The following NXPH4 variants were observed in gnomAD, a reference collection of about 807,000 sequenced individuals.
NXPH4 encodes the protein neurexophilin-4.
A neutral mutation model predicts 21.3 loss-of-function variants in NXPH4; 8 were observed. The observed-to-expected ratio is 0.38, with a 90% confidence interval of 0.22 to 0.68. The LOEUF (loss-of-function observed/expected upper bound fraction) is 0.68, where lower values mean the gene tolerates loss of function less well. Ranked by LOEUF, NXPH4 falls within the 30% of genes least tolerant of loss-of-function variation. NXPH4 has a pLI of 0.53. For missense variants in NXPH4, 418 were observed against 416.8 expected, an observed-to-expected ratio of 1.00 and a Z score of -0.03; for synonymous variants, 219 against 192.6, an observed-to-expected ratio of 1.14 and a Z score of -1.13.
At chr12:57,218,853 G>A (rs1381856759) in intron 1 of NXPH4, among the ~76,000 whole-genome samples, 1 of 152,204 alleles carries the variant, frequency 6.6e-6, no homozygotes, top group Non-Finnish European at 1.5e-5. Flanking sequence ...AAATACCTGT[G>A]TGTGCTTCTG....
At position 57,216,886 on chromosome 12, in the gene NXPH4, G is replaced by A. The variant is rs1463809522; in HGVS notation, c.-84G>A. The A allele has an allele frequency of 5.7e-6, 5 of 878,986 alleles. No individual in the cohort carries two copies. The Admixed American group carries it at 2.1e-4, about 37-fold the overall frequency. The allele number at this position is 878,986 out of a possible 1,614,324, so 54.4% of individuals were successfully genotyped here. On this transcript the variant is annotated 5_prime_UTR_variant, in exon 1 of 2. Coordinates refer to ENST00000349394, the MANE Select transcript of NXPH4 (RefSeq NM_007224.4). This position sits in a 1 kb window ranked among gnomAD's most constrained non-coding sequence, Gnocchi z 5.3. ...CCGCCGCTCCCGCAGCCGCCCCGCC[G>A]CCCGCCCGGAGCCCCGCGTCCCTAG...
intron 1 of NXPH4, 41 bp downstream of exon 1, chr12:57,217,067 T>C: frequency 6.5e-7 from 1 of 1,545,440 alleles, no homozygotes; most frequent in Non-Finnish European, 8.8e-7. Context: ...GGGCGCGGGG[T>C]TCCGGGACGC....
chr12:57,223,645 A>G (rs1305939331), intron 1 of NXPH4, among the ~76,000 whole-genome samples: 1 of 152,228 alleles, frequency 6.6e-6, no homozygotes, highest in Non-Finnish European at 1.5e-5. Flanking sequence ...TGGCTAGCTC[A>G]GGCTGACTGA....
At chr12:57,222,033 A>C (rs1047870761) in intron 1 of NXPH4, among the ~76,000 whole-genome samples, 2 of 152,166 alleles carry the variant, frequency 1.3e-5, no homozygotes, top group Non-Finnish European at 2.9e-5. Flanking sequence ...AGCACAAGAG[A>C]GGGAGAGAGA....
chr12:57,226,198 AC>A lies in NXPH4; in HGVS notation c.*453del. On this transcript the variant is annotated 3_prime_UTR_variant, in exon 2 of 2. Coordinates refer to ENST00000349394, the MANE Select transcript of NXPH4 (RefSeq NM_007224.4). ...CGCCTAAGACTGTAAAGGCCTAAAA[AC>A]CTCGGCCTGTCCTCCCACCATTCTG... The A allele has an allele frequency of 2.6e-6, 1 of 384,854 alleles. No individual in the cohort carries two copies. The highest frequency in any genetic ancestry group is 4.4e-5 in the Admixed American group (1 of 22,866). 23.8% of individuals were successfully genotyped at this position (384,854 alleles called of 1,614,324 possible).
Position 57,225,621 on chromosome 12 carries a change from C to T in NXPH4, c.801C>T (p.Ala267=), listed in dbSNP as rs762407543. ...CCGAGCACACGCAGAGCCAGGCCGC[C>T]TGGCTCTGTGCCAAGCCCTTCAAAG... ...CFTEHTQSQA[A]WLCAKPFKVI... The change falls in exon 2 of 2, where the codon GCC becomes GCT. Residue 267 remains alanine (A), a synonymous_variant. Coordinates refer to ENST00000349394, the MANE Select transcript of NXPH4 (RefSeq NM_007224.4). 7.6e-5 allele frequency: 123 copies of T among 1,613,710 alleles called. No homozygotes were observed. Among genetic ancestry groups the T allele is most frequent in the Non-Finnish European group, 9.9e-5 (117 of 1,180,010 alleles).
Position 57,226,014 on chromosome 12 carries a change from C to T in NXPH4, c.*267C>T, listed in dbSNP as rs191180420. On this transcript the variant is annotated 3_prime_UTR_variant, in exon 2 of 2. Coordinates refer to ENST00000349394, the MANE Select transcript of NXPH4 (RefSeq NM_007224.4). The stretch of plus-strand genomic sequence containing the variant: ...CCCCAGAATAGGCGGGGCTTGGAGG[C>T]GGTCCCAATGTCCCCTGGGTCCACA... 1.1e-4 allele frequency: 132 copies of T among 1,194,030 alleles called. No homozygotes were observed. In the Middle Eastern group the frequency reaches 2.1e-3, roughly 19 times the overall value. 74.0% of individuals were successfully genotyped at this position (1,194,030 alleles called of 1,614,324 possible). A position where few individuals can be genotyped will look rare whatever the true frequency, so the allele number is the denominator to read the frequency against.
chr12:57,217,043 T>C lies in NXPH4; in HGVS notation c.57+17T>C. 1 of 1,587,184 alleles carries C rather than the reference T, an allele frequency of 6.3e-7. No homozygotes were observed. Among genetic ancestry groups the C allele is most frequent in the Non-Finnish European group, 8.6e-7 (1 of 1,168,178 alleles). On this transcript the variant is annotated intron_variant, in intron 1 of 1. Coordinates refer to ENST00000349394, the MANE Select transcript of NXPH4 (RefSeq NM_007224.4). ...CTTAGGAAGGTAAGAGTGGCAGGGC[T>C]GGGGCGCTAGCGCGGGCGCGGGGTT...
chr12:57,217,811 T>C (rs1205995500), intron 1 of NXPH4, among the ~76,000 whole-genome samples: 5 of 152,364 alleles, frequency 3.3e-5, no homozygotes, highest in South Asian at 4.1e-4. Context: ...TGTGCTCATA[T>C]GTGCTGGGTG....
At position 57,221,734 on chromosome 12, in the gene NXPH4, TC is replaced by T. The variant is rs569830935; in HGVS notation, c.58-3143del. Among the ~76,000 whole-genome samples the T allele has an allele frequency of 2.6e-3, 401 of 152,132 alleles. 2 individuals carry two copies. Among genetic ancestry groups the T allele is most frequent in the African/African-American group, 9.2e-3 (381 of 41,478 alleles). On this transcript the variant is annotated intron_variant, in intron 1 of 1. Coordinates refer to ENST00000349394, the MANE Select transcript of NXPH4 (RefSeq NM_007224.4). ...GCCCAATTAGCTTAATTAAGCCAGC[TC>T]TGGAGCAAGGGGGACCCCTCCTCGG...
At chr12:57,217,840 G>A (rs1024495412) in intron 1 of NXPH4, among the ~76,000 whole-genome samples, 3 of 152,234 alleles carry the variant, frequency 2.0e-5, no homozygotes, top group Non-Finnish European at 4.4e-5. Context: ...GGGTCACCGT[G>A]TGCACCTGTG....
rs866090097 is a variant in NXPH4, at chr12:57,224,992, G to A, written c.172G>A (p.Gly58Ser). ...QQLPEPRSSD[G>S]LGVGRAWSWA... ...GCTCCCAGAGCCAAGGTCTTCGGAC[G>A]GCCTAGGCGTGGGCCGCGCCTGGAG... The change falls in exon 2 of 2, where the codon GGC (glycine) becomes AGC (serine). Residue 58 changes from glycine to serine, a missense_variant. By Grantham distance (56) the Gly-to-Ser change is moderately conservative. Transcript: ENST00000349394. 2 of 1,458,934 alleles carry A rather than the reference G, an allele frequency of 1.4e-6. No individual in the cohort carries two copies. The highest frequency in any genetic ancestry group is 1.8e-6 in the Non-Finnish European group (2 of 1,104,232). 90.4% of individuals were successfully genotyped at this position (1,458,934 alleles called of 1,614,324 possible).
In NXPH4 at chr12:57,225,299, G is replaced by C; in HGVS notation, c.479G>C (p.Arg160Pro). ...GTCAGCATCGTGCCGCCCTCCAAGC[G>C]TGTCGAGTTCGGAGGAGTCTGGCTG... is the stretch of plus-strand genomic sequence containing the variant. ...LSVSIVPPSK[R>P]VEFGGVWLPG... The change falls in exon 2 of 2, where the codon CGT becomes CCT. Residue 160 changes from arginine to proline, a missense_variant. Arg to Pro is a moderately radical substitution (Grantham distance 103, BLOSUM62 -2). Transcript: ENST00000349394. 1 of 1,555,214 alleles carries C rather than the reference G, an allele frequency of 6.4e-7. No homozygotes were observed. Among genetic ancestry groups the C allele is most frequent in the Non-Finnish European group, 8.7e-7 (1 of 1,152,126 alleles).
intron 1 of NXPH4, among the ~76,000 whole-genome samples, chr12:57,224,339 A>C (rs1309625090): frequency 6.6e-6 from 1 of 151,912 alleles, no homozygotes; most frequent in Non-Finnish European, 1.5e-5. Context: ...CTGGTCTCGA[A>C]CTGAACTCCT....
In NXPH4 at chr12:57,226,056, C is replaced by A; in HGVS notation, c.*309C>A. The A allele has an allele frequency of 1.4e-6, 1 of 729,634 alleles. No homozygotes were observed. Among genetic ancestry groups the A allele is most frequent in the Non-Finnish European group, 2.1e-6 (1 of 484,006 alleles). The allele number at this position is 729,634 out of a possible 1,614,324, so 45.2% of individuals were successfully genotyped here. On this transcript the variant is annotated 3_prime_UTR_variant, in exon 2 of 2. Transcript: ENST00000349394. ...GGGTCCACAGTGGGTCCCCTTTTCA[C>A]CCTTGGCGCTAGGCTGCGCACTCCC...
chr12:57,224,849 G>A, intron 1 of NXPH4, 29 bp from the exon 2 acceptor site: 1 of 672,526 alleles, frequency 1.5e-6, no homozygotes, highest in Admixed American at 3.1e-5. Context: ...CAACCCCAGC[G>A]TCTCTCTCTC....
intron 1 of NXPH4, among the ~76,000 whole-genome samples, chr12:57,217,439 C>A (rs2037051572): frequency 6.6e-6 from 1 of 152,218 alleles, no homozygotes. Context: ...CTTCCCATTT[C>A]TCTTCTCTGC....
At chr12:57,218,416 G>C (rs1196477935) in intron 1 of NXPH4, among the ~76,000 whole-genome samples, 1 of 150,112 alleles carries the variant, frequency 6.7e-6, no homozygotes, top group Non-Finnish European at 1.5e-5. Context: ...CTGGAGGAGT[G>C]GGGGGGGTCT....
At position 57,226,124 on chromosome 12, in the gene NXPH4, C is replaced by T; in HGVS notation, c.*377C>T. On this transcript the variant is annotated 3_prime_UTR_variant, in exon 2 of 2. Transcript: ENST00000349394. ...TAACTCCTGGCCTGGCACCCTCACC[C>T]CACCCTGACTTTCCCATCCCCCAGC... 1 of 463,982 alleles carries T rather than the reference C, an allele frequency of 2.2e-6. No homozygotes were observed. The highest frequency in any genetic ancestry group is 3.8e-5 in the Admixed American group (1 of 26,400). 28.7% of individuals were successfully genotyped at this position (463,982 alleles called of 1,614,324 possible).
Sources: gnomAD v4.1 joint callset for allele counts (sites outside exome capture counted in the v4.1 genomes callset) on GRCh38, gnomAD v4.1.1 for gene constraint, Gnocchi (gnomAD v3.1) non-coding constraint, MANE v1.5 for transcripts, NCBI Gene and HGNC (gene_info 2026-07-23, HGNC 2026-07-21) for gene names.